Variants in MACF1 observed in about 807,000 individuals in gnomAD.
MACF1 encodes microtubule-actin cross-linking factor 1.
In MACF1, 193 loss-of-function variants were observed where a neutral mutation model predicts 854.8. That is an observed-to-expected ratio of 0.23 (90% CI 0.20 to 0.25). The LOEUF (loss-of-function observed/expected upper bound fraction) is 0.25, where lower values mean the gene tolerates loss of function less well. MACF1 is among the 10% of genes least tolerant of loss of function. The probability of loss-of-function intolerance (pLI) is 1.00; values close to 1 mark genes in which losing one functional copy is unlikely to be tolerated. For synonymous variants in MACF1, 3,185 were observed against 3,226.7 expected (o/e 0.99, Z 0.44); for missense variants, 7,722 against 8,929.1 (o/e 0.86, Z 5.45).
chr1:39,441,107 G>T lies in MACF1; in HGVS notation c.18552G>T (p.Val6184=), dbSNP rs1312663635. 13 of 1,614,108 alleles carry T rather than the reference G, an allele frequency of 8.1e-6. No individual in the cohort carries two copies. In the African/African-American group the frequency reaches 1.7e-4, roughly 22 times the overall value. The stretch of plus-strand genomic sequence containing the variant: ...GTGGAGAAACTGAGAAGCCTGAAGT[G>T]AGGAAGAGCATTGATGAGGTGTGGA... ...FACGETEKPE[V]RKSIDEMNNA... is the part of the protein sequence containing the mutation. Residue 6184 remains valine, a synonymous_variant, in exon 73 of 101, where the codon GTG becomes GTT. Transcript: ENST00000564288.
chr1:39,429,778 T>C (rs1233676729), intron 64 of MACF1, 49 bp from the exon 65 acceptor site: 1 of 1,580,298 alleles, frequency 6.3e-7, no homozygotes, highest in Non-Finnish European at 8.7e-7. Context: ...CAGAGACTCC[T>C]CATTCCTAGG....
intron 15 of MACF1, among the ~76,000 whole-genome samples, chr1:39,289,725 T>TTTTTTG (rs1645733985): frequency 7.6e-6 from 1 of 132,146 alleles, no homozygotes; most frequent in Non-Finnish European, 1.6e-5. Flanking sequence ...TTTTTTTTTT[T>TTTTTTG]GAGACAGAGT....
chr1:39,274,075 A>G (rs750178734), intron 6 of MACF1, among the ~76,000 whole-genome samples: 2 of 152,258 alleles, frequency 1.3e-5, no homozygotes, highest in African/African-American at 2.4e-5. Context: ...AGTGGGTGGG[A>G]TGTAGATGAA....
chr1:39,343,937 G>T (rs968920739), intron 40 of MACF1, among the ~76,000 whole-genome samples: 3 of 152,002 alleles, frequency 2.0e-5, no homozygotes, highest in Non-Finnish European at 2.9e-5. Flanking sequence ...CCAACAAGAA[G>T]AAACCCCGTC....
At chr1:39,432,921 G>A (rs1643899244) in intron 67 of MACF1, 127 bp from the exon 68 acceptor site, 3 of 631,850 alleles carry the variant, frequency 4.7e-6, no homozygotes, top group Non-Finnish European at 7.9e-6. Context: ...GAAGATGTTG[G>A]ATAGGCAAAG....
Position 39,437,773 on chromosome 1 carries a change from T to A in MACF1, c.17989-4T>A, listed in dbSNP as rs1353111268. 1 of 1,604,572 alleles carries A rather than the reference T, an allele frequency of 6.2e-7. No individual in the cohort carries two copies. The highest frequency in any genetic ancestry group is 8.5e-7 in the Non-Finnish European group (1 of 1,171,254). ...GTGATGGTAATGTTCCAACATTTGT[T>A]TAGTTTCATGATAAAATTGAGCCTA... On this transcript the variant is annotated splice_region_variant and splice_polypyrimidine_tract_variant and intron_variant, in intron 70 of 100. Coordinates refer to ENST00000564288, the MANE Select transcript of MACF1 (RefSeq NM_001394062.1).
chr1:39,263,187 G>C (rs1645185404), intron 6 of MACF1, among the ~76,000 whole-genome samples: 1 of 152,132 alleles, frequency 6.6e-6, no homozygotes, highest in African/African-American at 2.4e-5. Context: ...TGTTATTGGT[G>C]TTAATGAAGT....
At chr1:39,368,366 T>G in intron 50 of MACF1, 52 bp downstream of exon 50, 2 of 1,517,872 alleles carry the variant, frequency 1.3e-6, no homozygotes, top group Non-Finnish European at 1.8e-6. Flanking sequence ...TTTCTTGTTA[T>G]GGAGTGAAAT....
At chr1:39,247,621 TG>T in intron 2 of MACF1, among the ~76,000 whole-genome samples, 1 of 152,364 alleles carries the variant, frequency 6.6e-6, no homozygotes, top group African/African-American at 2.4e-5. Flanking sequence ...TTGGTTGTAT[TG>T]GGAATATTTA....
At chr1:39,138,580 G>T in intron 2 of MACF1, among the ~76,000 whole-genome samples, 1 of 150,580 alleles carries the variant, frequency 6.6e-6, no homozygotes, top group South Asian at 2.1e-4. Flanking sequence ...GAGAGACTCT[G>T]TCTCAAAAAA....
At chr1:39,215,638 C>A (rs1644567790) in intron 1 of MACF1, among the ~76,000 whole-genome samples, 2 of 152,170 alleles carry the variant, frequency 1.3e-5, no homozygotes, top group South Asian at 4.2e-4. Context: ...AGTTAAGAGC[C>A]CAAGCTTTGG....
chr1:39,396,720 A>AG (rs1256732602), intron 58 of MACF1, among the ~76,000 whole-genome samples: 14 of 152,304 alleles, frequency 9.2e-5, no homozygotes, highest in Non-Finnish European at 2.9e-5. Context: ...GTTTCTTTGA[A>AG]GGGCCGTTTA....
chr1:39,347,496 A>G (rs780106457), intron 41 of MACF1, among the ~76,000 whole-genome samples: 2 of 152,052 alleles, frequency 1.3e-5, no homozygotes, highest in Non-Finnish European at 2.9e-5. Flanking sequence ...GCTGTATCTC[A>G]TTGTCTCTGA....
chr1:39,324,423 A>G (rs1310300193), intron 34 of MACF1, 78 bp downstream of exon 34: 5 of 1,515,510 alleles, frequency 3.3e-6, no homozygotes, highest in South Asian at 2.5e-5. Flanking sequence ...TAGAAGTCAC[A>G]TGTGGGCCAT....
intron 2 of MACF1, among the ~76,000 whole-genome samples, chr1:39,165,256 G>A (rs1184093294): frequency 2.0e-5 from 3 of 152,146 alleles, no homozygotes; most frequent in Admixed American, 1.3e-4. Flanking sequence ...ATAAAAGGGC[G>A]ATTCTCTCCA....
At chr1:39,304,145 A>G (rs1646115947) in intron 23 of MACF1, 1 of 307,364 alleles carries the variant, frequency 3.3e-6, no homozygotes, top group South Asian at 2.9e-5. Flanking sequence ...CATTAGGTAT[A>G]TCTCCTAATG....
At chr1:39,379,590 T>C in intron 54 of MACF1, 146 bp downstream of exon 54, 1 of 853,298 alleles carries the variant, frequency 1.2e-6, no homozygotes, top group Non-Finnish European at 1.8e-6. Flanking sequence ...TCTAAATGAT[T>C]AATATGCCTT....
chr1:39,458,648 G>A, intron 90 of MACF1, 158 bp downstream of exon 90: 1 of 872,216 alleles, frequency 1.1e-6, no homozygotes, highest in Non-Finnish European at 1.7e-6. Flanking sequence ...TTCTTACATT[G>A]ACAGACAGTA....
Position 39,387,189 on chromosome 1 carries a change from G to A in MACF1, c.14347G>A (p.Asp4783Asn), listed in dbSNP as rs569180777. 194 of 1,608,806 alleles carry A rather than the reference G, an allele frequency of 1.2e-4. 5 individuals are homozygous for A. In the South Asian group the frequency reaches 1.6e-3, roughly 14 times the overall value. ...PLQGLEDLAADRINRLQAALA... is the reference protein window; with the variant it reads ...PLQGLEDLAANRINRLQAALA... ...TCAATTTTATTTTCTCATTTCAGCC[G>A]ATCGCATTAACAGACTCCAGGCAGC... is the stretch of plus-strand genomic sequence containing the variant. Residue 4783 changes from aspartate (D) to asparagine (N), a missense_variant and splice_region_variant, in exon 58 of 101, where the codon GAT becomes AAT. This residue lies in a region of MACF1 where 2,807 missense variants were observed against 3,235.8 expected (regional missense o/e 0.87). Coordinates refer to ENST00000564288, the MANE Select transcript of MACF1 (RefSeq NM_001394062.1).
Sources: gnomAD v4.1 joint callset for allele counts (sites outside exome capture counted in the v4.1 genomes callset) on GRCh38, gnomAD v4.1.1 for gene constraint, gnomAD v4.1.1 regional missense constraint, MANE v1.5 for transcripts, NCBI Gene and HGNC (gene_info 2026-07-23, HGNC 2026-07-21) for gene names.